Variants in PTPRG observed in about 807,000 individuals in gnomAD.
The protein encoded by PTPRG is receptor-type tyrosine-protein phosphatase gamma.
A neutral mutation model predicts 165.3 loss-of-function variants in PTPRG; 102 were observed. That is an observed-to-expected ratio of 0.62 (90% CI 0.53 to 0.73). The LOEUF (loss-of-function observed/expected upper bound fraction) is 0.73. PTPRG is among the 30% of genes least tolerant of loss of function. PTPRG has a pLI of 0.00. For synonymous variants in PTPRG, 675 were observed against 669.5 expected (o/e 1.01, Z -0.13); for missense variants, 1,866 against 1,861.4 (o/e 1.00, Z -0.05).
chr3:61,696,257 T>C (rs1329619395), intron 1 of PTPRG, among the ~76,000 whole-genome samples: 1 of 152,162 alleles, frequency 6.6e-6, no homozygotes, highest in Non-Finnish European at 1.5e-5. Context: ...ATCCTAGCAC[T>C]GTGAGTGGCT....
At chr3:62,141,327 C>CAT (rs1703917514) in intron 6 of PTPRG, among the ~76,000 whole-genome samples, 1 of 152,062 alleles carries the variant, frequency 6.6e-6, no homozygotes, top group African/African-American at 2.4e-5. Context: ...ATGTATAGGC[C>CAT]AGGCGCGGTG....
chr3:62,225,007 G>T (rs1700728307), intron 13 of PTPRG, among the ~76,000 whole-genome samples: 1 of 152,130 alleles, frequency 6.6e-6, no homozygotes, highest in South Asian at 2.1e-4. Context: ...TCAACTAACA[G>T]TTACAGCTTT....
intron 2 of PTPRG, among the ~76,000 whole-genome samples, chr3:61,931,852 T>C (rs2039369735): frequency 6.6e-6 from 1 of 152,234 alleles, no homozygotes. Context: ...CAAACTCTCA[T>C]GTTTAATAAC....
intron 4 of PTPRG, among the ~76,000 whole-genome samples, chr3:62,030,197 GT>G (rs11351369): frequency 0.32 from 46,294 of 144,618 alleles, 7,614 homozygotes; most frequent in African/African-American, 0.44. Flanking sequence ...TTTTCCCTGT[GT>G]TTTTTTTTTT....
chr3:62,239,228 AGG>A (rs1701100059), intron 14 of PTPRG, among the ~76,000 whole-genome samples: 2 of 152,182 alleles, frequency 1.3e-5, no homozygotes, highest in Admixed American at 6.5e-5. Flanking sequence ...TGATTCATTC[AGG>A]GAGGGTCTGT....
At chr3:62,041,386 T>C (rs930650813) in intron 4 of PTPRG, among the ~76,000 whole-genome samples, 6 of 152,160 alleles carry the variant, frequency 3.9e-5, no homozygotes, top group African/African-American at 1.4e-4. Context: ...GAGCAGATTG[T>C]TGTCAAAAGG....
chr3:61,893,258 A>C (rs2038265456), intron 2 of PTPRG, among the ~76,000 whole-genome samples: 1 of 152,216 alleles, frequency 6.6e-6, no homozygotes, highest in South Asian at 2.1e-4. Context: ...GTTCTTGTAG[A>C]CTTGTTGAAG....
chr3:61,562,145 GACTCGGGCCGCCGAGCGC>G lies in PTPRG; in HGVS notation c.-142_-125del. The G allele has an allele frequency of 4.4e-6, 3 of 681,046 alleles. No homozygotes were observed. Among genetic ancestry groups the G allele is most frequent in the East Asian group, 2.7e-5 (1 of 37,270 alleles). 42.2% of individuals were successfully genotyped at this position (681,046 alleles called of 1,614,324 possible). A position where few individuals can be genotyped will look rare whatever the true frequency, so the allele number is the denominator to read the frequency against. On this transcript the variant is annotated 5_prime_UTR_variant, in exon 1 of 30. Coordinates refer to ENST00000474889, the MANE Select transcript of PTPRG (RefSeq NM_002841.4). ...TCGGCGGCTTCCCGGATTCCAAGGGGACTCGGGCCGCCGAGCGCGGGGGGCCCGTGGAGCGGGCGAGCC... is the reference window on the plus strand; with the variant it reads ...TCGGCGGCTTCCCGGATTCCAAGGGGGGGGGGCCCGTGGAGCGGGCGAGCC...
chr3:61,583,846 G>A (rs112486163), intron 1 of PTPRG, among the ~76,000 whole-genome samples: 2 of 152,232 alleles, frequency 1.3e-5, no homozygotes, highest in African/African-American at 4.8e-5. Context: ...TCTCTGAGAT[G>A]TCCAAGGTTC....
At chr3:62,074,441 A>C (rs1476598120) in intron 4 of PTPRG, among the ~76,000 whole-genome samples, 1 of 143,554 alleles carries the variant, frequency 7.0e-6, no homozygotes, top group Non-Finnish European at 1.5e-5. Context: ...CAATAGCCTC[A>C]ACCTCCTGGG....
intron 4 of PTPRG, among the ~76,000 whole-genome samples, chr3:62,040,221 C>T (rs1700080333): frequency 6.6e-6 from 1 of 152,180 alleles, no homozygotes; most frequent in Non-Finnish European, 1.5e-5. Context: ...TACCAAAGTA[C>T]ATTCCAAGTT....
rs559051224 is a variant in PTPRG, at chr3:61,561,703, C to T, written c.-585C>T. On this transcript the variant is annotated 5_prime_UTR_variant, in exon 1 of 30. Coordinates refer to ENST00000474889, the MANE Select transcript of PTPRG (RefSeq NM_002841.4). Reference sequence around the variant, plus strand: ...CTCGCCCCAGCGCCCCTCTGAGATCCTTTGTGTTTTCCTCCGTTTCCTCCG... The same window carrying T: ...CTCGCCCCAGCGCCCCTCTGAGATCTTTTGTGTTTTCCTCCGTTTCCTCCG... The T allele has an allele frequency of 1.3e-5, 2 of 152,820 alleles. No homozygotes were observed. Among genetic ancestry groups the T allele is most frequent in the African/African-American group, 4.8e-5 (2 of 41,568 alleles). 9.5% of individuals were successfully genotyped at this position (152,820 alleles called of 1,614,324 possible).
At chr3:62,201,105 G>A (rs2106833209) in intron 10 of PTPRG, among the ~76,000 whole-genome samples, 1 of 152,260 alleles carries the variant, frequency 6.6e-6, no homozygotes, top group South Asian at 2.1e-4. Flanking sequence ...CAACGTGCTG[G>A]CGATATGTCT....
intron 1 of PTPRG, among the ~76,000 whole-genome samples, chr3:61,619,933 T>A (rs2106896129): frequency 6.6e-6 from 1 of 152,300 alleles, no homozygotes. Flanking sequence ...CAGGTGCTGA[T>A]GAAAGCATCT....
intron 6 of PTPRG, among the ~76,000 whole-genome samples, chr3:62,134,278 T>C (rs1292433862): frequency 1.3e-5 from 2 of 152,190 alleles, no homozygotes; most frequent in Non-Finnish European, 2.9e-5. Flanking sequence ...CAAAATACAC[T>C]GACCTACAAA....
chr3:62,007,296 C>T (rs1369813751), intron 4 of PTPRG, among the ~76,000 whole-genome samples: 1 of 152,250 alleles, frequency 6.6e-6, no homozygotes, highest in Non-Finnish European at 1.5e-5. Context: ...ATTTTCCTGG[C>T]TGGAATCCTA....
At chr3:62,145,044 T>C (rs939906152) in intron 6 of PTPRG, among the ~76,000 whole-genome samples, 2 of 152,240 alleles carry the variant, frequency 1.3e-5, no homozygotes, top group East Asian at 1.9e-4. Flanking sequence ...ATTTGCCTAC[T>C]GCAAAAGTGC....
chr3:62,125,548 G>A (rs982075756), intron 5 of PTPRG, among the ~76,000 whole-genome samples: 55 of 152,302 alleles, frequency 3.6e-4, no homozygotes, highest in Non-Finnish European at 7.1e-4. Context: ...GCTTTTCAGT[G>A]TATGGCGGGA....
chr3:62,031,645 C>T (rs781688100), intron 4 of PTPRG, among the ~76,000 whole-genome samples: 1 of 152,048 alleles, frequency 6.6e-6, no homozygotes, highest in African/African-American at 2.4e-5. Context: ...GTAAAATTAC[C>T]TTGGGAGGCT....
Sources: allele counts gnomAD v4.1 joint callset (sites outside exome capture counted in the v4.1 genomes callset), GRCh38; gene constraint gnomAD v4.1.1; transcripts MANE v1.5; gene names NCBI Gene and HGNC (gene_info 2026-07-23, HGNC 2026-07-21).